EML5: variants seen among roughly 807,000 people sequenced by gnomAD.
EML5 encodes the protein echinoderm microtubule-associated protein-like 5.
Under a neutral mutation model 250.0 loss-of-function variants are expected in EML5, and 120 were observed. The ratio of observed to expected loss-of-function variants is 0.48; its 90% CI spans 0.41 to 0.56. EML5 has a LOEUF of 0.56. Among genes scored for constraint, EML5 ranks in the 20% least tolerant of loss-of-function variants. The pLI is 0.00. For synonymous variants in EML5, 771 were observed against 806.5 expected, an observed-to-expected ratio of 0.96 and a Z score of 0.75; for missense variants, 2,006 against 2,437.6, an observed-to-expected ratio of 0.82 and a Z score of 3.73.
intron 31 of EML5, among the ~76,000 whole-genome samples, chr14:88,639,402 G>C (rs2090932122): frequency 6.6e-6 from 1 of 152,160 alleles, no homozygotes; most frequent in Non-Finnish European, 1.5e-5. Flanking sequence ...AAGGCAGCTT[G>C]GGACTAGAGT....
intron 39 of EML5, 161 bp from the exon 40 acceptor site, chr14:88,618,973 G>T: frequency 1.8e-6 from 1 of 541,084 alleles, no homozygotes; most frequent in Non-Finnish European, 3.0e-6. Context: ...GAGATTGTCT[G>T]GGTTACATGA....
rs751816724 is a variant in EML5 at position 88,688,515 on chromosome 14, G to A, written c.2540-42C>T. 36 of 1,588,766 alleles carry A rather than the reference G, an allele frequency of 2.3e-5. No homozygotes were observed. In the South Asian group the frequency reaches 3.3e-4, roughly 15 times the overall value. ...ATTATGAAAGTACCACTTTCAAAATGTACTCAATTATAAAGAAGCAAAGTT... is the reference window on the plus strand; with the variant it reads ...ATTATGAAAGTACCACTTTCAAAATATACTCAATTATAAAGAAGCAAAGTT... On this transcript the variant is annotated intron_variant, in intron 17 of 43. Transcript: ENST00000554922.
chr14:88,693,722 A>G, intron 17 of EML5, among the ~76,000 whole-genome samples: 1 of 141,310 alleles, frequency 7.1e-6, no homozygotes, highest in South Asian at 2.3e-4. Flanking sequence ...GTTACAGAGT[A>G]TTATTCTCTT....
intron 28 of EML5, among the ~76,000 whole-genome samples, chr14:88,648,574 C>G (rs1266914161): frequency 1.3e-5 from 2 of 152,074 alleles, no homozygotes; most frequent in African/African-American, 2.4e-5. Flanking sequence ...CTAGGCTGAT[C>G]TTTAACTCCT....
At chr14:88,621,348 C>T (rs2088882270) in intron 37 of EML5, 47 bp from the exon 38 acceptor site, 1 of 1,603,432 alleles carries the variant, frequency 6.2e-7, no homozygotes, top group Non-Finnish European at 8.5e-7. Context: ...ACAACAGCTG[C>T]TTTTCTTCTT....
At chr14:88,628,153 A>G (rs565710226) in intron 33 of EML5, among the ~76,000 whole-genome samples, 3 of 152,306 alleles carry the variant, frequency 2.0e-5, no homozygotes, top group East Asian at 3.9e-4. Context: ...TTTAATCTTT[A>G]TACAATTATA....
intron 2 of EML5, among the ~76,000 whole-genome samples, chr14:88,751,922 A>G (rs1298370607): frequency 6.6e-6 from 1 of 152,182 alleles, no homozygotes; most frequent in African/African-American, 2.4e-5. Flanking sequence ...AGCACATCAA[A>G]TATTTAAATA....
In EML5 at chr14:88,615,168, G is replaced by GT. The variant is rs1343237602; in HGVS notation, c.*649dup. On this transcript the variant is annotated 3_prime_UTR_variant, in exon 44 of 44. Coordinates refer to ENST00000554922, the MANE Select transcript of EML5 (RefSeq NM_183387.3). ...ATGGCTCGAAAATGAAAATGGAAAT[G>GT]TAGCAGCCATATACTGCTAACTTTG... is the stretch of plus-strand genomic sequence containing the variant. 1.3e-5 allele frequency: 2 copies of GT among 152,152 alleles called. No homozygotes were observed. Among genetic ancestry groups the GT allele is most frequent in the African/African-American group, 4.8e-5 (2 of 41,434 alleles). The allele number at this position is 152,152 out of a possible 1,614,324, so 9.4% of individuals were successfully genotyped here.
Position 88,687,200 on chromosome 14 carries a change from C to A in EML5, c.2854+16G>T. 6.3e-7 allele frequency: 1 copy of A among 1,584,744 alleles called. No homozygotes were observed. Among genetic ancestry groups the A allele is most frequent in the Non-Finnish European group, 8.6e-7 (1 of 1,161,746 alleles). ...CTTTTTTTCCTATACAAAAACCCCA[C>A]TAAGTCTCAAATCACCTTTAGATCC... On this transcript the variant is annotated intron_variant, in intron 19 of 43. Coordinates refer to ENST00000554922, the MANE Select transcript of EML5 (RefSeq NM_183387.3).
rs1595522645 is a variant in EML5, at chr14:88,687,268, T to C, written c.2802A>G (p.Arg934=). Residue 934 remains arginine, a synonymous_variant, in exon 19 of 44, where the codon AGA becomes AGG. Coordinates refer to ENST00000554922, the MANE Select transcript of EML5 (RefSeq NM_183387.3). ...TTTTTATAGCATAGGTCTTGAGACATCTTTCAAAAGAGTCATCCCAAAGAG... is the reference window on the plus strand; with the variant it reads ...TTTTTATAGCATAGGTCTTGAGACACCTTTCAAAAGAGTCATCCCAAAGAG... ...IVALWDDSFE[R]CLKTYAIKRA... is the part of the protein sequence containing the mutation. 1.2e-6 allele frequency: 2 copies of C among 1,612,568 alleles called. No individual in the cohort carries two copies. Among genetic ancestry groups the C allele is most frequent in the Non-Finnish European group, 1.7e-6 (2 of 1,179,388 alleles).
chr14:88,640,608 G>C (rs1453117871), intron 31 of EML5, among the ~76,000 whole-genome samples: 3 of 152,080 alleles, frequency 2.0e-5, no homozygotes, highest in Admixed American at 1.3e-4. Flanking sequence ...CAAAATGTTA[G>C]AAAGATCCCA....
chr14:88,771,069 C>G (rs1166850984), intron 1 of EML5, among the ~76,000 whole-genome samples: 2 of 152,208 alleles, frequency 1.3e-5, no homozygotes, highest in Non-Finnish European at 2.9e-5. Context: ...AGTGAGCTAT[C>G]ATCTTCCTCA....
intron 24 of EML5, among the ~76,000 whole-genome samples, chr14:88,662,293 A>AG (rs1417920531): frequency 2.7e-5 from 4 of 150,640 alleles, no homozygotes; most frequent in Non-Finnish European, 5.9e-5. Flanking sequence ...AAATAAAAAA[A>AG]AAAAGGCTAA....
intron 1 of EML5, among the ~76,000 whole-genome samples, chr14:88,772,051 C>G (rs1209441102): frequency 6.6e-6 from 1 of 152,210 alleles, no homozygotes; most frequent in Non-Finnish European, 1.5e-5. Context: ...TAAAGAGAAT[C>G]TGATTTCCTC....
intron 27 of EML5, among the ~76,000 whole-genome samples, chr14:88,650,804 G>T (rs541008201): frequency 6.6e-6 from 1 of 152,064 alleles, no homozygotes; most frequent in Admixed American, 6.5e-5. Context: ...ACCATTCTTG[G>T]CTAATTTTTC....
intron 35 of EML5, 198 bp downstream of exon 35, chr14:88,626,640 C>G (rs2089985608): frequency 1.6e-6 from 1 of 620,948 alleles, no homozygotes; most frequent in South Asian, 2.2e-5. Context: ...AATCCTTTTC[C>G]CCCTCTCATT....
Position 88,688,295 on chromosome 14 carries a change from C to T in EML5, c.2718G>A (p.Val906=). ...CTTTTTCCAATGCATGCATACTGAACACTGGCCCATCATGCGCTTTCACTG... is the reference window on the plus strand; with the variant it reads ...CTTTTTCCAATGCATGCATACTGAATACTGGCCCATCATGCGCTTTCACTG... ...VKTVKAHDGP[V]FSMHALEKGF... is the part of the protein sequence containing the mutation. Residue 906 remains valine, a synonymous_variant, in exon 18 of 44, where the codon GTG becomes GTA. Transcript: ENST00000554922. 1 of 1,613,916 alleles carries T rather than the reference C, an allele frequency of 6.2e-7. No homozygotes were observed. Among genetic ancestry groups the T allele is most frequent in the Non-Finnish European group, 8.5e-7 (1 of 1,179,876 alleles).
intron 1 of EML5, among the ~76,000 whole-genome samples, chr14:88,761,952 CT>C (rs1376565288): frequency 6.6e-6 from 1 of 152,120 alleles, no homozygotes; most frequent in Admixed American, 6.5e-5. Context: ...CAGAGATGAG[CT>C]TTTTTTCATA....
intron 33 of EML5, among the ~76,000 whole-genome samples, chr14:88,633,766 C>T (rs897201344): frequency 6.6e-6 from 1 of 151,834 alleles, no homozygotes; most frequent in East Asian, 1.9e-4. Context: ...AATGCTTATA[C>T]TTTTATTAAA....
Sources: gnomAD v4.1 joint callset for allele counts (sites outside exome capture counted in the v4.1 genomes callset) on GRCh38, gnomAD v4.1.1 for gene constraint, MANE v1.5 for transcripts, NCBI Gene and HGNC (gene_info 2026-07-23, HGNC 2026-07-21) for gene names.